Variants in DGCR2 observed in about 807,000 individuals in gnomAD.
DGCR2 encodes the protein DiGeorge syndrome critical region gene 2, also known as integral membrane protein DGCR2/IDD.
A neutral mutation model predicts 51.6 loss-of-function variants in DGCR2; 24 were observed. The ratio of observed to expected loss-of-function variants is 0.47; its 90% confidence interval spans 0.34 to 0.65. DGCR2 has a LOEUF of 0.65. Among genes scored for constraint, DGCR2 ranks in the 30% least tolerant of loss-of-function variants. The pLI is 0.01. For synonymous variants in DGCR2, 340 were observed against 315.4 expected, an observed-to-expected ratio of 1.08 and a Z score of -0.82; for missense variants, 765 against 772.1, an observed-to-expected ratio of 0.99 and a Z score of 0.11.
At chr22:19,042,598 G>A (rs1328617435) in intron 7 of DGCR2, among the ~76,000 whole-genome samples, 1 of 152,218 alleles carries the variant, frequency 6.6e-6, no homozygotes, top group Non-Finnish European at 1.5e-5. Context: ...GGCGGCTGCC[G>A]TAGGGAGGAC....
At chr22:19,099,345 C>A (rs2083175802) in intron 1 of DGCR2, among the ~76,000 whole-genome samples, 1 of 152,162 alleles carries the variant, frequency 6.6e-6, no homozygotes, top group African/African-American at 2.4e-5. Flanking sequence ...TTTGGGAGGC[C>A]AAGGCAGGTA....
intron 1 of DGCR2, among the ~76,000 whole-genome samples, chr22:19,101,222 C>T (rs1248453746): frequency 6.6e-6 from 1 of 152,184 alleles, no homozygotes; most frequent in Non-Finnish European, 1.5e-5. Flanking sequence ...TAGGCATGTA[C>T]TCAAGAGAAT....
intron 2 of DGCR2, among the ~76,000 whole-genome samples, chr22:19,070,023 C>T (rs541319546): frequency 1.3e-5 from 2 of 152,258 alleles, no homozygotes; most frequent in Non-Finnish European, 2.9e-5. Context: ...AACCTAAGGA[C>T]CTCAGTGTGG....
rs78836431 is a variant in DGCR2, at chr22:19,037,462, C to CT, written c.*1402_*1403insA. Reference sequence around the variant, plus strand: ...CAGACAGGCCTCCCAGGTGCTGCCCCGCTGGTCTGGAAAGACTGAGCGAGA... The same window carrying CT: ...CAGACAGGCCTCCCAGGTGCTGCCCCTGCTGGTCTGGAAAGACTGAGCGAGA... On this transcript the variant is annotated 3_prime_UTR_variant, in exon 10 of 10. Transcript: ENST00000263196. 0.29 allele frequency: 43,967 copies of CT among 152,112 alleles called. 6,501 individuals carry two copies. The highest frequency in any genetic ancestry group is 0.41 in the South Asian group (1,989 of 4,818). The allele number at this position is 152,112 out of a possible 1,614,324, so 9.4% of individuals were successfully genotyped here.
rs2082942952 is a variant in DGCR2, at chr22:19,082,057, TTTTTTTG to T, written c.202+7304_202+7310del. On this transcript the variant is annotated intron_variant, in intron 2 of 9. Coordinates refer to ENST00000263196, the MANE Select transcript of DGCR2 (RefSeq NM_005137.3). ...AGTCTTTACTGGTGTTTTTTGGGGT[TTTTTTTG>T]TTTTTTTTTTTTTGAAACAGGGTCT... 4.7e-5 allele frequency among the ~76,000 whole-genome samples: 4 copies of T among 84,610 alleles called. No individual in the cohort carries two copies. In the South Asian group the frequency reaches 2.1e-3, roughly 45 times the overall value. The allele number at this position is 84,610 out of a possible 152,430, so 55.5% of individuals were successfully genotyped here.
intron 5 of DGCR2, among the ~76,000 whole-genome samples, chr22:19,059,683 T>C (rs542275822): frequency 6.6e-6 from 1 of 152,150 alleles, no homozygotes; most frequent in African/African-American, 2.4e-5. Context: ...CCCTCCCATA[T>C]GTCCACACAT....
Position 19,062,779 on chromosome 22 carries a change from A to ACTCTCTCTCTCT in DGCR2, c.625+411_625+422dup, listed in dbSNP as rs11471797. Among the ~76,000 whole-genome samples the ACTCTCTCTCTCT allele has an allele frequency of 1.8e-3, 224 of 127,398 alleles. 1 individual carries two copies. The highest frequency in any genetic ancestry group is 3.7e-3 in the African/African-American group (138 of 37,254). The allele number at this position is 127,398 out of a possible 152,430, so 83.6% of individuals were successfully genotyped here. A position where few individuals can be genotyped will look rare whatever the true frequency, so the allele number is the denominator to read the frequency against. On this transcript the variant is annotated intron_variant, in intron 5 of 9. Coordinates refer to ENST00000263196, the MANE Select transcript of DGCR2 (RefSeq NM_005137.3). ...TGCGCACACACACACATGCATGCTCACTCTCTCTCTCTCTCTCTCTCTCTC... is the reference window on the plus strand; with the variant it reads ...TGCGCACACACACACATGCATGCTCACTCTCTCTCTCTCTCTCTCTCTCTCTCTCTCTCTCTC...
intron 2 of DGCR2, among the ~76,000 whole-genome samples, chr22:19,084,755 G>A (rs112857356): frequency 4.3e-4 from 52 of 121,232 alleles, no homozygotes; most frequent in Admixed American, 9.0e-4. Context: ...CCGTCCGGGA[G>A]GGAGGTGGGG....
chr22:19,048,588 G>T lies in DGCR2; in HGVS notation c.858C>A (p.Thr286=). 1.2e-6 allele frequency: 2 copies of T among 1,614,252 alleles called. No homozygotes were observed. The highest frequency in any genetic ancestry group is 1.7e-6 in the Non-Finnish European group (2 of 1,180,042). Residue 286 remains threonine (T), a synonymous_variant, in exon 7 of 10, where the codon ACC becomes ACA. Coordinates refer to ENST00000263196, the MANE Select transcript of DGCR2 (RefSeq NM_005137.3). The part of the protein sequence containing the change: ...DNVVDEGFYF[T]PKGDDPCLSC... ...TCAGGCATGGGTCGTCCCCCTTAGG[G>T]GTGAAGTAGAACCCTTCATCCACCA...
intron 1 of DGCR2, among the ~76,000 whole-genome samples, chr22:19,102,153 T>C (rs1294627705): frequency 6.6e-6 from 1 of 152,154 alleles, no homozygotes; most frequent in Non-Finnish European, 1.5e-5. Flanking sequence ...TTATGCTAAG[T>C]GAAAGAAGAC....
chr22:19,067,860 T>C, intron 3 of DGCR2, among the ~76,000 whole-genome samples: 1 of 152,198 alleles, frequency 6.6e-6, no homozygotes, highest in East Asian at 1.9e-4. Context: ...GCAGTCACTT[T>C]GTGAGAACAA....
intron 1 of DGCR2, among the ~76,000 whole-genome samples, chr22:19,103,545 C>T (rs560186761): frequency 6.8e-6 from 1 of 147,854 alleles, no homozygotes; most frequent in East Asian, 2.0e-4. Context: ...CTTCTCCTGC[C>T]TCAGCCTCCC....
At chr22:19,108,151 A>T (rs2096055) in intron 1 of DGCR2, among the ~76,000 whole-genome samples, 74,919 of 152,032 alleles carry the variant, frequency 0.49, 19,618 homozygotes, top group African/African-American at 0.68. Context: ...AAGGAGAAGA[A>T]CTTCGTAACC....
intron 3 of DGCR2, among the ~76,000 whole-genome samples, chr22:19,066,492 T>G (rs1231589969): frequency 6.6e-6 from 1 of 152,162 alleles, no homozygotes; most frequent in Non-Finnish European, 1.5e-5. Context: ...GAAGGTGTGT[T>G]GCACATTCAT....
At chr22:19,060,902 C>T (rs377367273) in intron 5 of DGCR2, 16 of 513,418 alleles carry the variant, frequency 3.1e-5, no homozygotes, top group South Asian at 1.6e-4. Flanking sequence ...TGCAGGGTAC[C>T]GACACATGGG....
chr22:19,112,481 G>A lies in DGCR2; in HGVS notation c.79+9647C>T, dbSNP rs2083327922. 1.9e-5 allele frequency among the ~76,000 whole-genome samples: 2 copies of A among 103,372 alleles called. 1 individual carries two copies. Among genetic ancestry groups the A allele is most frequent in the East Asian group, 5.1e-4 (2 of 3,884 alleles). 67.8% of individuals were successfully genotyped at this position (103,372 alleles called of 152,430 possible). A position where few individuals can be genotyped will look rare whatever the true frequency, so the allele number is the denominator to read the frequency against. The stretch of plus-strand genomic sequence containing the variant: ...TTTTTGAGGCAGGTCTTGCTCTGTT[G>A]CCTAGGCTGGAGTGCAGAGGCATGA... On this transcript the variant is annotated intron_variant, in intron 1 of 9. Coordinates refer to ENST00000263196, the MANE Select transcript of DGCR2 (RefSeq NM_005137.3).
At chr22:19,089,606 G>A in intron 1 of DGCR2, 116 bp from the exon 2 acceptor site, 1 of 1,177,796 alleles carries the variant, frequency 8.5e-7, no homozygotes, top group Non-Finnish European at 1.1e-6. Flanking sequence ...TTGAGACAGA[G>A]TCTCATTCTG....
chr22:19,089,308 G>A (rs551651858), intron 2 of DGCR2, 60 bp downstream of exon 2: 148 of 1,501,412 alleles, frequency 9.9e-5, no homozygotes, highest in Non-Finnish European at 5.4e-6. Context: ...AAGAGGCACA[G>A]TCACCCAGCT....
At chr22:19,074,412 G>GAAAAA (rs72460718) in intron 2 of DGCR2, among the ~76,000 whole-genome samples, 1 of 125,050 alleles carries the variant, frequency 8.0e-6, no homozygotes, top group Non-Finnish European at 1.7e-5. Context: ...AGAGCAAGAT[G>GAAAAA]AAAAAAAAAA....
Sources: gnomAD v4.1 joint callset for allele counts (sites outside exome capture counted in the v4.1 genomes callset) on GRCh38, gnomAD v4.1.1 for gene constraint, MANE v1.5 for transcripts, NCBI Gene and HGNC (gene_info 2026-07-23, HGNC 2026-07-21) for gene names.